Variants in PDE4D observed in about 807,000 individuals in gnomAD.
PDE4D encodes the protein 3',5'-cyclic-AMP phosphodiesterase 4D.
In PDE4D, 24 loss-of-function variants were observed where a neutral mutation model predicts 87.4. That is an observed-to-expected ratio of 0.27 (90% confidence interval 0.20 to 0.39). The LOEUF (loss-of-function observed/expected upper bound fraction) is 0.39, where lower values mean the gene tolerates loss of function less well. PDE4D is among the 10% of genes least tolerant of loss of function. PDE4D has a pLI of 1.00. For missense variants in PDE4D, 714 were observed against 1,041.0 expected (o/e 0.69, Z 4.32); for synonymous variants, 384 against 383.2 (o/e 1.00, Z -0.02).
chr5:60,146,876 C>T (rs1174467890), intron 2 of PDE4D, among the ~76,000 whole-genome samples: 1 of 152,038 alleles, frequency 6.6e-6, no homozygotes, highest in African/African-American at 2.4e-5. Flanking sequence ...AAAAAGTGGT[C>T]AACATCACTA....
intron 1 of PDE4D, among the ~76,000 whole-genome samples, chr5:59,298,801 T>C (rs1365351544): frequency 6.6e-6 from 1 of 152,208 alleles, no homozygotes; most frequent in Non-Finnish European, 1.5e-5. Context: ...TTTCCCCCTA[T>C]GGAAGCTCCT....
chr5:59,729,185 C>T (rs1276943793), intron 1 of PDE4D, among the ~76,000 whole-genome samples: 5 of 152,034 alleles, frequency 3.3e-5, no homozygotes, highest in East Asian at 1.9e-4. Context: ...TGCCTAGACT[C>T]GGTAGATTTT....
At chr5:59,072,015 T>C (rs1235145404) in intron 5 of PDE4D, among the ~76,000 whole-genome samples, 1 of 152,134 alleles carries the variant, frequency 6.6e-6, no homozygotes, top group Non-Finnish European at 1.5e-5. Context: ...AGTTGGTCTT[T>C]TTCCATTTGT....
intron 1 of PDE4D, among the ~76,000 whole-genome samples, chr5:59,550,950 C>T (rs1054211561): frequency 7.2e-5 from 11 of 152,248 alleles, no homozygotes; most frequent in Admixed American, 6.5e-4. Context: ...CCTGCCCCAG[C>T]CTCCCAAAGT....
At chr5:60,244,113 A>T (rs1464088357) in intron 1 of PDE4D, among the ~76,000 whole-genome samples, 1 of 152,036 alleles carries the variant, frequency 6.6e-6, no homozygotes, top group African/African-American at 2.4e-5. Flanking sequence ...AATTTACAGG[A>T]TACAAAATCA....
At chr5:60,175,778 G>A (rs1783854236) in intron 2 of PDE4D, among the ~76,000 whole-genome samples, 1 of 152,102 alleles carries the variant, frequency 6.6e-6, no homozygotes, top group Non-Finnish European at 1.5e-5. Context: ...TCAGTCTTAG[G>A]TAGGTAATGT....
intron 2 of PDE4D, among the ~76,000 whole-genome samples, chr5:59,992,092 G>A (rs1349790369): frequency 6.6e-6 from 1 of 152,146 alleles, no homozygotes; most frequent in Non-Finnish European, 1.5e-5. Context: ...CTTCTGTGCT[G>A]GATGTTTCCT....
intron 2 of PDE4D, among the ~76,000 whole-genome samples, chr5:60,126,965 G>A (rs760703939): frequency 2.6e-5 from 4 of 152,206 alleles, no homozygotes; most frequent in South Asian, 2.1e-4. Flanking sequence ...AGTATGCAGC[G>A]TATGTATACT....
intron 5 of PDE4D, among the ~76,000 whole-genome samples, chr5:59,084,036 C>T (rs565822234): frequency 1.9e-3 from 286 of 151,796 alleles, no homozygotes; most frequent in African/African-American, 6.6e-3. Flanking sequence ...TTTAGCACAA[C>T]GATGTGAGAA....
intron 5 of PDE4D, among the ~76,000 whole-genome samples, chr5:59,065,051 A>C (rs550333781): frequency 6.8e-6 from 1 of 147,934 alleles, no homozygotes. Context: ...TGGACAAAGG[A>C]AATGTGATAT....
At chr5:59,709,917 T>G (rs1204066143) in intron 1 of PDE4D, among the ~76,000 whole-genome samples, 1 of 152,074 alleles carries the variant, frequency 6.6e-6, no homozygotes, top group Non-Finnish European at 1.5e-5. Context: ...CTAAGGAAAA[T>G]CTGGGGGAAA....
At chr5:59,842,924 A>G (rs899690531) in intron 1 of PDE4D, among the ~76,000 whole-genome samples, 1 of 152,028 alleles carries the variant, frequency 6.6e-6, no homozygotes, top group African/African-American at 2.4e-5. Context: ...TCATAAATGT[A>G]CCTAATGGCT....
At chr5:59,866,724 T>C (rs1160242009) in intron 1 of PDE4D, among the ~76,000 whole-genome samples, 1 of 152,178 alleles carries the variant, frequency 6.6e-6, no homozygotes, top group Admixed American at 6.5e-5. Flanking sequence ...TATTCTGAAA[T>C]AGAAACAGCC....
chr5:59,467,886 C>A (rs543453377), intron 1 of PDE4D, among the ~76,000 whole-genome samples: 44 of 152,230 alleles, frequency 2.9e-4, no homozygotes, highest in Non-Finnish European at 3.4e-4. Flanking sequence ...TACATATATT[C>A]ATGATCATAT....
chr5:59,729,203 T>C (rs989544757), intron 1 of PDE4D, among the ~76,000 whole-genome samples: 1 of 152,126 alleles, frequency 6.6e-6, no homozygotes, highest in African/African-American at 2.4e-5. Context: ...TTTACTAATA[T>C]GTCTTTCCAA....
At chr5:59,380,277 A>C (rs1214773692) in intron 1 of PDE4D, among the ~76,000 whole-genome samples, 2 of 151,936 alleles carry the variant, frequency 1.3e-5, no homozygotes, top group African/African-American at 4.8e-5. Context: ...AGGACTCACC[A>C]CATGAAAATT....
At chr5:59,189,232 GTT>G (rs34203891) in intron 3 of PDE4D, among the ~76,000 whole-genome samples, 2 of 99,896 alleles carry the variant, frequency 2.0e-5, no homozygotes, top group Non-Finnish European at 4.2e-5. Context: ...TTCCTACCCC[GTT>G]TTTTTTTTTG....
intron 10 of PDE4D, 26 bp from the exon 11 acceptor site, chr5:58,988,618 T>C (rs1361028606): frequency 2.9e-6 from 3 of 1,025,434 alleles, no homozygotes; most frequent in Non-Finnish European, 2.8e-6. Flanking sequence ...ATATAGATAA[T>C]ATTACTATTC....
chr5:59,474,284 G>C (rs1802935913), intron 1 of PDE4D, among the ~76,000 whole-genome samples: 1 of 152,026 alleles, frequency 6.6e-6, no homozygotes, highest in Non-Finnish European at 1.5e-5. Flanking sequence ...AGTTAACCAA[G>C]AATATTTTCT....
Sources: allele counts gnomAD v4.1 joint callset (sites outside exome capture counted in the v4.1 genomes callset), GRCh38; gene constraint gnomAD v4.1.1; transcripts MANE v1.5; gene names NCBI Gene and HGNC (gene_info 2026-07-23, HGNC 2026-07-21).